XYLT1: variants seen among roughly 807,000 people sequenced by gnomAD.
The protein encoded by XYLT1 is xylosyltransferase 1, also known as beta-D-xylosyltransferase 1.
Under a neutral mutation model 91.3 loss-of-function variants are expected in XYLT1, and 36 were observed. The observed-to-expected ratio is 0.39, with a 90% CI of 0.30 to 0.52. The LOEUF (loss-of-function observed/expected upper bound fraction) is 0.52, where lower values mean the gene tolerates loss of function less well. Ranked by LOEUF, XYLT1 falls within the 20% of genes least tolerant of loss-of-function variation. The pLI is 0.68. For missense variants in XYLT1, 1,242 were observed against 1,284.5 expected (o/e 0.97, Z 0.51); for synonymous variants, 588 against 532.0 (o/e 1.11, Z -1.45).
At chr16:17,205,593 T>C (rs560869353) in intron 3 of XYLT1, among the ~76,000 whole-genome samples, 1 of 152,288 alleles carries the variant, frequency 6.6e-6, no homozygotes, top group South Asian at 2.1e-4. Flanking sequence ...CTCAATAAAT[T>C]ATACTGTCAT....
rs112789100 is a variant in XYLT1 at position 17,387,303 on chromosome 16, G to T, written c.364-29253C>A. ...GGCAAAGAGAGAAAGAACAACTGTTGCAGGGTCTCTGCCAGCACCCACACT... is the reference window on the plus strand; with the variant it reads ...GGCAAAGAGAGAAAGAACAACTGTTTCAGGGTCTCTGCCAGCACCCACACT... On this transcript the variant is annotated intron_variant, in intron 1 of 11. Coordinates refer to ENST00000261381, the MANE Select transcript of XYLT1 (RefSeq NM_022166.4). 3.4e-3 allele frequency among the ~76,000 whole-genome samples: 513 copies of T among 152,292 alleles called. 1 individual carries two copies. The highest frequency in any genetic ancestry group is 0.011 in the African/African-American group (470 of 41,558).
At chr16:17,244,746 A>C (rs541797294) in intron 3 of XYLT1, among the ~76,000 whole-genome samples, 1 of 152,284 alleles carries the variant, frequency 6.6e-6, no homozygotes, top group Non-Finnish European at 1.5e-5. Flanking sequence ...TATAGTAAAA[A>C]ACTGGCAACA....
At chr16:17,133,834 G>A (rs2030597753) in intron 9 of XYLT1, among the ~76,000 whole-genome samples, 1 of 152,160 alleles carries the variant, frequency 6.6e-6, no homozygotes. Flanking sequence ...ACAATTGTAA[G>A]GGGTGGTTGA....
At chr16:17,239,862 G>T (rs2033319117) in intron 3 of XYLT1, among the ~76,000 whole-genome samples, 1 of 151,878 alleles carries the variant, frequency 6.6e-6, no homozygotes, top group African/African-American at 2.4e-5. Flanking sequence ...TCCATTAATT[G>T]ACTCATCCCA....
intron 3 of XYLT1, among the ~76,000 whole-genome samples, chr16:17,241,073 A>G (rs534449704): frequency 6.6e-6 from 1 of 152,334 alleles, no homozygotes; most frequent in African/African-American, 2.4e-5. Flanking sequence ...GAAACCTCAT[A>G]GGATTCCAGA....
intron 3 of XYLT1, among the ~76,000 whole-genome samples, chr16:17,255,944 G>T (rs984355502): frequency 6.6e-6 from 1 of 152,148 alleles, no homozygotes; most frequent in Non-Finnish European, 1.5e-5. Context: ...AGAGTTGAAG[G>T]TTGCAGTGAT....
intron 3 of XYLT1, among the ~76,000 whole-genome samples, chr16:17,204,966 CAA>C (rs530525798): frequency 0.29 from 23,678 of 80,964 alleles, 1,541 homozygotes; most frequent in South Asian, 0.39. Flanking sequence ...TGCCCAGCTC[CAA>C]AAAAAAAAAA....
chr16:17,349,071 G>A (rs902234438), intron 2 of XYLT1, among the ~76,000 whole-genome samples: 1 of 152,226 alleles, frequency 6.6e-6, no homozygotes, highest in Non-Finnish European at 1.5e-5. Flanking sequence ...AGATGCGTGT[G>A]CTGGAAGGGA....
At chr16:17,206,260 C>T (rs918111562) in intron 3 of XYLT1, among the ~76,000 whole-genome samples, 2 of 152,076 alleles carry the variant, frequency 1.3e-5, no homozygotes, top group African/African-American at 4.8e-5. Context: ...GGGGAGAAAA[C>T]CTGCACGCTC....
chr16:17,173,731 T>C (rs1007329837), intron 5 of XYLT1, among the ~76,000 whole-genome samples: 2 of 152,232 alleles, frequency 1.3e-5, no homozygotes, highest in African/African-American at 4.8e-5. Context: ...CAGCTTGACG[T>C]GCTGCTGTTC....
chr16:17,454,811 A>G (rs978434954), intron 1 of XYLT1, among the ~76,000 whole-genome samples: 8 of 147,804 alleles, frequency 5.4e-5, no homozygotes, highest in African/African-American at 2.0e-4. Flanking sequence ...AAGTGCTGGG[A>G]TTACAGGCAT....
At chr16:17,123,589 T>TATCA (rs1360817020) in intron 10 of XYLT1, among the ~76,000 whole-genome samples, 1 of 152,232 alleles carries the variant, frequency 6.6e-6, no homozygotes, top group East Asian at 1.9e-4. Flanking sequence ...TTTTGTGGCC[T>TATCA]ATCATATGGT....
intron 1 of XYLT1, among the ~76,000 whole-genome samples, chr16:17,427,358 G>A (rs1042162246): frequency 2.6e-5 from 4 of 152,220 alleles, no homozygotes; most frequent in Non-Finnish European, 4.4e-5. Flanking sequence ...GTGTGCAGTG[G>A]TGCGATCTCG....
At position 17,368,514 on chromosome 16, in the gene XYLT1, T is replaced by C. The variant is rs570918935; in HGVS notation, c.364-10464A>G. ...ATTACTTCAATAAACCCACATTCTATCCTCATGAAGTGGCTGTTCCCAGAA... is the reference window on the plus strand; with the variant it reads ...ATTACTTCAATAAACCCACATTCTACCCTCATGAAGTGGCTGTTCCCAGAA... On this transcript the variant is annotated intron_variant, in intron 1 of 11. Coordinates refer to ENST00000261381, the MANE Select transcript of XYLT1 (RefSeq NM_022166.4). Among the ~76,000 whole-genome samples the C allele has an allele frequency of 2.7e-5, 4 of 149,588 alleles. No individual in the cohort carries two copies. In the South Asian group the frequency reaches 6.4e-4, roughly 24 times the overall value.
chr16:17,128,694 G>A (rs1022166689), intron 9 of XYLT1, among the ~76,000 whole-genome samples: 1 of 152,124 alleles, frequency 6.6e-6, no homozygotes, highest in Non-Finnish European at 1.5e-5. Flanking sequence ...TAAAATGCAC[G>A]TCTTTGATCC....
chr16:17,303,792 A>T (rs564579505), intron 2 of XYLT1, among the ~76,000 whole-genome samples: 20 of 152,370 alleles, frequency 1.3e-4, no homozygotes, highest in African/African-American at 4.6e-4. Context: ...TAGACAATCC[A>T]GGCATTTGAC....
At chr16:17,252,657 G>C (rs964560690) in intron 3 of XYLT1, among the ~76,000 whole-genome samples, 1 of 152,198 alleles carries the variant, frequency 6.6e-6, no homozygotes, top group African/African-American at 2.4e-5. Context: ...AGCAAGGAAT[G>C]TCTCACAGAA....
intron 3 of XYLT1, among the ~76,000 whole-genome samples, chr16:17,222,808 A>G (rs1460379897): frequency 6.6e-6 from 1 of 151,320 alleles, no homozygotes; most frequent in Non-Finnish European, 1.5e-5. Context: ...AAAAAAAAAA[A>G]AAAGAATCCT....
chr16:17,161,675 G>T (rs992093602), intron 5 of XYLT1, among the ~76,000 whole-genome samples: 10 of 94,476 alleles, frequency 1.1e-4, no homozygotes, highest in East Asian at 3.2e-4. Flanking sequence ...AGTTTCTCGC[G>T]CGCTCTCTCT....
Sources: allele counts gnomAD v4.1 joint callset (sites outside exome capture counted in the v4.1 genomes callset), GRCh38; gene constraint gnomAD v4.1.1; transcripts MANE v1.5; gene names NCBI Gene and HGNC (gene_info 2026-07-23, HGNC 2026-07-21).